PCNX2: variants seen among roughly 807,000 people sequenced by gnomAD.
PCNX2 encodes pecanex-like protein 2.
A neutral mutation model predicts 223.8 loss-of-function variants in PCNX2; 168 were observed. That is an observed-to-expected ratio of 0.75 (90% CI 0.66 to 0.85). PCNX2 has a LOEUF of 0.85. Among genes scored for constraint, PCNX2 ranks in the 40% least tolerant of loss-of-function variants. PCNX2 has a pLI of 0.00. For synonymous variants in PCNX2, 1,006 were observed against 1,052.6 expected (o/e 0.96, Z 0.86); for missense variants, 2,507 against 2,675.5 (o/e 0.94, Z 1.39).
intron 8 of PCNX2, among the ~76,000 whole-genome samples, chr1:233,245,491 G>A (rs1313268518): frequency 6.6e-6 from 1 of 152,238 alleles, no homozygotes; most frequent in East Asian, 1.9e-4. Context: ...CCGCACATGT[G>A]TGCAAGAAGG....
chr1:233,172,477 C>A (rs1342818253), intron 17 of PCNX2: 1 of 985,392 alleles, frequency 1.0e-6, no homozygotes, highest in East Asian at 1.1e-4. Flanking sequence ...TGAGGTGAGT[C>A]TGCTTGCACT....
intron 21 of PCNX2, among the ~76,000 whole-genome samples, chr1:233,117,967 G>T (rs912040494): frequency 6.7e-6 from 1 of 148,186 alleles, no homozygotes; most frequent in South Asian, 2.1e-4. Context: ...CCGAGATCCC[G>T]CCACTGCACT....
At chr1:233,227,760 A>T (rs1259279589) in intron 9 of PCNX2, among the ~76,000 whole-genome samples, 1 of 152,214 alleles carries the variant, frequency 6.6e-6, no homozygotes, top group African/African-American at 2.4e-5. Context: ...AAGTGTGTTA[A>T]TGTTGAGATA....
At chr1:233,185,758 C>T (rs1680061810) in intron 15 of PCNX2, among the ~76,000 whole-genome samples, 1 of 152,128 alleles carries the variant, frequency 6.6e-6, no homozygotes, top group Non-Finnish European at 1.5e-5. Context: ...TGGTCTGTTG[C>T]CCACAGATAA....
Position 233,095,750 on chromosome 1 carries a change from G to C in PCNX2, c.3946+5C>G. 6.3e-7 allele frequency: 1 copy of C among 1,587,376 alleles called. No individual in the cohort carries two copies. Among genetic ancestry groups the C allele is most frequent in the Non-Finnish European group, 8.6e-7 (1 of 1,160,582 alleles). ...GGAGGGTGAAAATAGAAGCAGAAAG[G>C]ATACGAGGAATGGCAAAGAGCTGAG... is the stretch of plus-strand genomic sequence containing the variant. On this transcript the variant is annotated splice_donor_5th_base_variant and intron_variant, in intron 22 of 33. Transcript: ENST00000258229.
Position 233,179,149 on chromosome 1 carries a change from CG to C in PCNX2, c.3092del (p.Pro1031ArgfsTer18). 1 of 1,613,832 alleles carries C rather than the reference CG, an allele frequency of 6.2e-7. No individual in the cohort carries two copies. The highest frequency in any genetic ancestry group is 8.5e-7 in the Non-Finnish European group (1 of 1,179,812). On this transcript the variant is annotated frameshift_variant, in exon 16 of 34. Transcript: ENST00000258229. LOFTEE classifies it high-confidence loss of function. ...GGCCACAGAAGGCCGAAAACAGTGC[CG>C]GGATGTGTTGCATGCTCCACGGTTC... is the stretch of plus-strand genomic sequence containing the variant. ...VKEPWSMQHI[P>X]ALFSAFCGLL...
intron 17 of PCNX2, among the ~76,000 whole-genome samples, chr1:233,169,900 T>TA (rs958288414): frequency 6.6e-6 from 1 of 152,046 alleles, no homozygotes. Flanking sequence ...TTTCACTACT[T>TA]ACGACTTAGG....
intron 12 of PCNX2, chr1:233,211,794 A>C: frequency 2.0e-6 from 2 of 985,376 alleles, no homozygotes; most frequent in Middle Eastern, 5.2e-4. Context: ...CACTCTTTAA[A>C]CACAGAATGT....
intron 12 of PCNX2, among the ~76,000 whole-genome samples, chr1:233,215,738 T>C (rs148061716): frequency 6.6e-6 from 1 of 152,314 alleles, no homozygotes; most frequent in East Asian, 1.9e-4. Flanking sequence ...ATGTGGCATC[T>C]AGGGTGGGCT....
intron 20 of PCNX2, among the ~76,000 whole-genome samples, chr1:233,135,593 G>A (rs1676757296): frequency 6.6e-6 from 1 of 152,300 alleles, no homozygotes; most frequent in East Asian, 1.9e-4. Context: ...AAATCCTAAT[G>A]CCAAATGAGA....
the PCNX2 span, among the ~76,000 whole-genome samples, chr1:233,311,201 C>T: frequency 6.6e-6 from 1 of 152,186 alleles, no homozygotes; most frequent in Non-Finnish European, 1.5e-5. Context: ...GTATTACCTA[C>T]CATAACTAAC....
At chr1:233,077,764 A>T (rs1022403411) in intron 23 of PCNX2, among the ~76,000 whole-genome samples, 1 of 152,040 alleles carries the variant, frequency 6.6e-6, no homozygotes, top group Non-Finnish European at 1.5e-5. Flanking sequence ...TTACTGGGTA[A>T]TTTTTTTCTA....
At chr1:233,090,955 A>C (rs919253739) in intron 22 of PCNX2, among the ~76,000 whole-genome samples, 2 of 152,168 alleles carry the variant, frequency 1.3e-5, no homozygotes, top group Non-Finnish European at 2.9e-5. Context: ...AGTCGCGAGG[A>C]GCCAGAAGCA....
At chr1:233,263,548 C>T (rs557348912) in intron 1 of PCNX2, among the ~76,000 whole-genome samples, 167 of 151,716 alleles carry the variant, frequency 1.1e-3, no homozygotes, top group African/African-American at 3.8e-3. Context: ...CTCCGCCTCC[C>T]GGGCTCAGAC....
intron 1 of PCNX2, among the ~76,000 whole-genome samples, chr1:233,275,904 C>T (rs1315930589): frequency 3.3e-5 from 5 of 152,008 alleles, no homozygotes; most frequent in Non-Finnish European, 7.4e-5. Flanking sequence ...GTGGTGTGTG[C>T]CTGTAATCCC....
At chr1:233,309,540 AAAAAAT>A in the PCNX2 span, among the ~76,000 whole-genome samples, 6 of 118,458 alleles carry the variant, frequency 5.1e-5, no homozygotes, top group Admixed American at 2.4e-4. Context: ...GACTCCCTCA[AAAAAAT>A]AATAATAATA....
chr1:233,285,624 G>A (rs1385096404), intron 1 of PCNX2, among the ~76,000 whole-genome samples: 1 of 152,156 alleles, frequency 6.6e-6, no homozygotes, highest in Non-Finnish European at 1.5e-5. Context: ...GCAGCGACCT[G>A]AGATCGTGCC....
In PCNX2 at chr1:233,198,932, C is replaced by T. The variant is rs377031733; in HGVS notation, c.3066+7G>A. 13 of 1,597,988 alleles carry T rather than the reference C, an allele frequency of 8.1e-6. No homozygotes were observed. Among genetic ancestry groups the T allele is most frequent in the Non-Finnish European group, 1.0e-5 (12 of 1,172,292 alleles). ...GAAGGATGAGGGCCCATGGTCCTCA[C>T]ACCTACCTTCACTGCACTGAAGCAG... On this transcript the variant is annotated splice_region_variant and intron_variant, in intron 15 of 33. Transcript: ENST00000258229.
At chr1:233,235,958 ATATATATATATAT>A (rs1261406542) in intron 9 of PCNX2, among the ~76,000 whole-genome samples, 2 of 19,362 alleles carry the variant, frequency 1.0e-4, no homozygotes, top group Non-Finnish European at 3.7e-4. Flanking sequence ...ATAAAAAAAA[ATATATATATATAT>A]ATATATATAT....
Sources: gnomAD v4.1 joint callset for allele counts (sites outside exome capture counted in the v4.1 genomes callset) on GRCh38, gnomAD v4.1.1 for gene constraint, MANE v1.5 for transcripts, NCBI Gene and HGNC (gene_info 2026-07-23, HGNC 2026-07-21) for gene names.